The following GCNT1 variants were observed in gnomAD, a reference collection of about 807,000 sequenced individuals.
The protein encoded by GCNT1 is beta-1,3-galactosyl-O-glycosyl-glycoprotein beta-1,6-N-acetylglucosaminyltransferase.
In GCNT1, 16 loss-of-function variants were observed where a neutral mutation model predicts 26.2. The ratio of observed to expected loss-of-function variants is 0.61; its 90% CI spans 0.41 to 0.93. The LOEUF (loss-of-function observed/expected upper bound fraction) is 0.93, where lower values mean the gene tolerates loss of function less well. GCNT1 is among the 40% of genes least tolerant of loss of function. The pLI, the probability that GCNT1 is intolerant of heterozygous loss-of-function variation, is 0.00. For missense variants in GCNT1, 477 were observed against 526.7 expected (o/e 0.91, Z 0.92); for synonymous variants, 183 against 190.8 (o/e 0.96, Z 0.34).
intron 1 of GCNT1, among the ~76,000 whole-genome samples, chr9:76,453,035 A>G (rs894873362): frequency 6.6e-6 from 1 of 152,190 alleles, no homozygotes; most frequent in African/African-American, 2.4e-5. Flanking sequence ...TTCAAATGCA[A>G]TTCCCATGTG....
intron 1 of GCNT1, among the ~76,000 whole-genome samples, chr9:76,443,242 G>A (rs1823508728): frequency 6.6e-6 from 1 of 152,154 alleles, no homozygotes; most frequent in African/African-American, 2.4e-5. Context: ...GGTGCTAGAG[G>A]AATTAAAGAC....
chr9:76,456,451 C>T (rs916425843), upstream of GCNT1, among the ~76,000 whole-genome samples: 1 of 152,228 alleles, frequency 6.6e-6, no homozygotes, highest in African/African-American at 2.4e-5. Context: ...AACCCCAACA[C>T]TTCCCCTCTC....
rs785907 is a variant in GCNT1, at chr9:76,506,169, G to T, written c.*2501G>T. The T allele has an allele frequency of 0.78, 129,638 of 166,972 alleles. 50,512 individuals carry two copies. Among genetic ancestry groups the T allele is most frequent in the East Asian group, 0.91 (4,742 of 5,192 alleles). 10.3% of individuals were successfully genotyped at this position (166,972 alleles called of 1,614,324 possible). On this transcript the variant is annotated 3_prime_UTR_variant, in exon 4 of 4. Coordinates refer to ENST00000376730, the MANE Select transcript of GCNT1 (RefSeq NM_001490.5). ...CAGGAGAAGCAAAACCCAAGTGATT[G>T]GTGAGAAATATAGAAATTATTTAAA... is the stretch of plus-strand genomic sequence containing the variant.
intron 2 of GCNT1, among the ~76,000 whole-genome samples, chr9:76,466,076 A>T (rs1823987443): frequency 2.0e-5 from 3 of 152,286 alleles, no homozygotes; most frequent in Middle Eastern, 6.8e-3. Context: ...GCATGTAAGT[A>T]TTACTGCATA....
the GCNT1 span, among the ~76,000 whole-genome samples, chr9:76,396,185 A>G: frequency 1.3e-5 from 2 of 152,246 alleles, no homozygotes; most frequent in Non-Finnish European, 2.9e-5. Flanking sequence ...TAAATGAATC[A>G]TAGGAGGTAA....
intron 1 of GCNT1, among the ~76,000 whole-genome samples, 165 bp downstream of exon 1, chr9:76,459,470 G>A (rs1823825429): frequency 6.6e-6 from 1 of 152,178 alleles, no homozygotes; most frequent in African/African-American, 2.4e-5. Flanking sequence ...CCCGGGACCG[G>A]AATGGAGCGG....
intron 1 of GCNT1, among the ~76,000 whole-genome samples, chr9:76,446,310 A>C (rs905570850): frequency 4.6e-5 from 7 of 152,078 alleles, no homozygotes; most frequent in Admixed American, 3.3e-4. Context: ...AGACAAGGAG[A>C]GTTTTTGCAG....
chr9:76,411,212 T>G, the GCNT1 span, among the ~76,000 whole-genome samples: 2 of 152,230 alleles, frequency 1.3e-5, no homozygotes, highest in African/African-American at 4.8e-5. Context: ...TATAAATGGA[T>G]GAATATTTAC....
chr9:76,505,102 G>T lies in GCNT1; in HGVS notation c.*1434G>T, dbSNP rs1825203700. On this transcript the variant is annotated 3_prime_UTR_variant, in exon 4 of 4. Transcript: ENST00000376730. ...CAGCAAACAAGCTACCAGGAACTGTGAGGCTTTGTCATTTAGCATTAGACT... is the reference window on the plus strand; with the variant it reads ...CAGCAAACAAGCTACCAGGAACTGTTAGGCTTTGTCATTTAGCATTAGACT... 1 of 411,836 alleles carries T rather than the reference G, an allele frequency of 2.4e-6. No individual in the cohort carries two copies. The highest frequency in any genetic ancestry group is 4.4e-6 in the Non-Finnish European group (1 of 225,752). The allele number at this position is 411,836 out of a possible 1,614,324, so 25.5% of individuals were successfully genotyped here. A position where few individuals can be genotyped will look rare whatever the true frequency, so the allele number is the denominator to read the frequency against.
Position 76,448,180 on chromosome 9 carries a change from G to A in GCNT1, c.-290+5865G>A, listed in dbSNP as rs374910392. On this transcript the variant is annotated intron_variant, in intron 1 of 2. Coordinates refer to the GCNT1 transcript ENST00000442371. ...TATATATATACACACAGCCAGGCGC[G>A]GTGGCTCGCGCCTGTAATCCAAGCA... is the stretch of plus-strand genomic sequence containing the variant. Among the ~76,000 whole-genome samples the A allele has an allele frequency of 2.0e-4, 30 of 152,258 alleles. No homozygotes were observed. In the East Asian group the frequency reaches 4.2e-3, roughly 22 times the overall value.
chr9:76,483,018 TAAA>T (rs1395448602), intron 2 of GCNT1, among the ~76,000 whole-genome samples: 1 of 151,984 alleles, frequency 6.6e-6, no homozygotes, highest in African/African-American at 2.4e-5. Flanking sequence ...GTAAACAGTA[TAAA>T]AAAGTGAAAT....
At chr9:76,410,774 G>C in the GCNT1 span, among the ~76,000 whole-genome samples, 1 of 152,172 alleles carries the variant, frequency 6.6e-6, no homozygotes, top group Non-Finnish European at 1.5e-5. Flanking sequence ...GTTGAGTTCT[G>C]TTAGAGAGAT....
At chr9:76,437,307 G>A (rs909156499), upstream of GCNT1, among the ~76,000 whole-genome samples, 1 of 152,006 alleles carries the variant, frequency 6.6e-6, no homozygotes, top group Non-Finnish European at 1.5e-5. Context: ...TTAGATACAG[G>A]TCATGAAGAT....
chr9:76,491,430 G>A (rs1824734457), intron 2 of GCNT1, among the ~76,000 whole-genome samples: 1 of 152,180 alleles, frequency 6.6e-6, no homozygotes, highest in South Asian at 2.1e-4. Flanking sequence ...CAGAGGTTAG[G>A]AACTCCCTTT....
At chr9:76,421,600 CA>C (rs1231879648) in intron 1 of GCNT1, among the ~76,000 whole-genome samples, 21,251 of 57,182 alleles carry the variant, frequency 0.37, 1,285 homozygotes, top group Non-Finnish European at 0.4. Context: ...GGCCCTGTCT[CA>C]AAAAAAAAAA....
chr9:76,402,969 T>C, the GCNT1 span, among the ~76,000 whole-genome samples: 1 of 152,194 alleles, frequency 6.6e-6, no homozygotes, highest in South Asian at 2.1e-4. Flanking sequence ...TGAGCCACCG[T>C]GCCCAGCCCT....
intron 2 of GCNT1, among the ~76,000 whole-genome samples, chr9:76,493,073 G>A (rs905185259): frequency 2.6e-5 from 4 of 152,180 alleles, no homozygotes; most frequent in South Asian, 2.1e-4. Context: ...TCCCGTAGCC[G>A]CTTGAGGAAG....
the GCNT1 span, among the ~76,000 whole-genome samples, chr9:76,413,959 G>A: frequency 6.6e-6 from 1 of 151,988 alleles, no homozygotes; most frequent in Non-Finnish European, 1.5e-5. Context: ...CAAGATCAGT[G>A]ATTTTTTCCT....
chr9:76,401,152 G>C, the GCNT1 span, among the ~76,000 whole-genome samples: 1 of 152,184 alleles, frequency 6.6e-6, no homozygotes, highest in African/African-American at 2.4e-5. Flanking sequence ...AAATAAGCTG[G>C]CTGAGTGTAA....
Sources: allele counts gnomAD v4.1 joint callset (sites outside exome capture counted in the v4.1 genomes callset), GRCh38; gene constraint gnomAD v4.1.1; transcripts MANE v1.5; gene names NCBI Gene and HGNC (gene_info 2026-07-23, HGNC 2026-07-21).